DNAJC1: variants seen among roughly 807,000 people sequenced by gnomAD.
DNAJC1 encodes DnaJ heat shock protein family (Hsp40) member C1, also known as dnaJ homolog subfamily C member 1.
Under a neutral mutation model 76.6 loss-of-function variants are expected in DNAJC1, and 58 were observed. That is an observed-to-expected ratio of 0.76 (90% CI 0.61 to 0.94). DNAJC1 has a LOEUF of 0.94. Ranked by LOEUF, DNAJC1 falls within the 40% of genes least tolerant of loss-of-function variation. DNAJC1 has a pLI of 0.00. For missense variants in DNAJC1, 689 were observed against 677.3 expected (o/e 1.02, Z -0.19); for synonymous variants, 258 against 267.9 (o/e 0.96, Z 0.36).
intron 1 of DNAJC1, among the ~76,000 whole-genome samples, chr10:21,955,425 T>A (rs897596666): frequency 1.3e-5 from 2 of 152,182 alleles, no homozygotes; most frequent in Non-Finnish European, 2.9e-5. Flanking sequence ...TTCATCAAAA[T>A]TTTTTAAAGT....
In DNAJC1 at chr10:21,822,014, T is replaced by C. The variant is rs147111136; in HGVS notation, c.979-15915A>G. Among the ~76,000 whole-genome samples, 780 of 152,348 alleles carry C rather than the reference T, an allele frequency of 5.1e-3. 5 individuals carry two copies. Among genetic ancestry groups the C allele is most frequent in the Non-Finnish European group, 8.8e-3 (598 of 68,038 alleles). The stretch of plus-strand genomic sequence containing the variant: ...TCAAAGGTCATATTATTCAACAGAA[T>C]GGTACCTGACTCTTAGTATAGTAAC... On this transcript the variant is annotated intron_variant, in intron 8 of 11. Transcript: ENST00000376980.
intron 8 of DNAJC1, among the ~76,000 whole-genome samples, chr10:21,849,342 A>T (rs1835714536): frequency 6.6e-6 from 1 of 150,970 alleles, no homozygotes; most frequent in Non-Finnish European, 1.5e-5. Context: ...ACTGATAAGA[A>T]GTATTTCAAA....
At chr10:21,865,554 G>C (rs533302442) in intron 8 of DNAJC1, 1 of 152,204 alleles carries the variant, frequency 6.6e-6, no homozygotes, top group East Asian at 1.9e-4. Context: ...CTGGTTGCCT[G>C]AAGATAGGTG....
At chr10:21,803,963 A>C (rs1834850814) in intron 9 of DNAJC1, 2 of 985,130 alleles carry the variant, frequency 2.0e-6, no homozygotes, top group Non-Finnish European at 2.4e-6. Flanking sequence ...GCAGACACGG[A>C]ATCATTCTGC....
chr10:21,950,894 T>C (rs895278505), intron 1 of DNAJC1, among the ~76,000 whole-genome samples: 13 of 151,950 alleles, frequency 8.6e-5, no homozygotes, highest in African/African-American at 2.7e-4. Context: ...AGAAGAAAAG[T>C]TGGAAGCTAG....
chr10:21,968,728 T>C (rs1351845975), intron 1 of DNAJC1, among the ~76,000 whole-genome samples: 1 of 151,988 alleles, frequency 6.6e-6, no homozygotes. Context: ...GCCAGGATGG[T>C]CTCAATCTCC....
At chr10:21,816,905 A>G (rs1045304649) in intron 8 of DNAJC1, among the ~76,000 whole-genome samples, 1 of 143,526 alleles carries the variant, frequency 7.0e-6, no homozygotes, top group Non-Finnish European at 1.5e-5. Context: ...CTGTAACCCC[A>G]GCACTTTGGG....
At chr10:21,991,700 C>T (rs1838328509) in intron 1 of DNAJC1, among the ~76,000 whole-genome samples, 1 of 152,162 alleles carries the variant, frequency 6.6e-6, no homozygotes, top group Admixed American at 6.5e-5. Flanking sequence ...TAAGGCTATC[C>T]AATGTATGCT....
chr10:21,996,801 C>G (rs928290211), intron 1 of DNAJC1, among the ~76,000 whole-genome samples: 2 of 152,192 alleles, frequency 1.3e-5, no homozygotes, highest in African/African-American at 4.8e-5. Context: ...GCTCAGGCAT[C>G]TTCCACTAAA....
chr10:21,878,132 A>T (rs1018236402), intron 8 of DNAJC1, among the ~76,000 whole-genome samples: 1 of 152,108 alleles, frequency 6.6e-6, no homozygotes, highest in African/African-American at 2.4e-5. Flanking sequence ...TCTCGAGAAC[A>T]CTCCTAGCAT....
chr10:21,766,064 T>A (rs527276085), intron 10 of DNAJC1, among the ~76,000 whole-genome samples, 197 bp downstream of exon 10: 4 of 152,174 alleles, frequency 2.6e-5, no homozygotes, highest in Non-Finnish European at 5.9e-5. Flanking sequence ...ATTAAATACA[T>A]CTTCTCGGCA....
intron 7 of DNAJC1, among the ~76,000 whole-genome samples, chr10:21,896,381 G>A (rs140429292): frequency 3.9e-5 from 6 of 152,280 alleles, no homozygotes; most frequent in Admixed American, 3.3e-4. Context: ...TTATTCTCAG[G>A]CCTCAAAAAT....
chr10:21,863,640 T>C (rs111792945), intron 8 of DNAJC1, among the ~76,000 whole-genome samples: 37 of 152,222 alleles, frequency 2.4e-4, no homozygotes, highest in African/African-American at 8.4e-4. Flanking sequence ...AGAAGGCTAA[T>C]ACATAATGAC....
chr10:21,783,346 G>C (rs1834558780), intron 9 of DNAJC1, among the ~76,000 whole-genome samples: 1 of 152,164 alleles, frequency 6.6e-6, no homozygotes, highest in African/African-American at 2.4e-5. Context: ...ACTTACAAGG[G>C]ATGTGAAGGA....
chr10:21,975,916 A>T (rs1055413934), intron 1 of DNAJC1, among the ~76,000 whole-genome samples: 1 of 152,208 alleles, frequency 6.6e-6, no homozygotes, highest in Non-Finnish European at 1.5e-5. Flanking sequence ...AGGTTTTTTT[A>T]AAAAGTTAGA....
At chr10:21,819,924 T>C (rs1835129747) in intron 8 of DNAJC1, among the ~76,000 whole-genome samples, 1 of 152,210 alleles carries the variant, frequency 6.6e-6, no homozygotes, top group South Asian at 2.1e-4. Context: ...AGCAAGACTC[T>C]GTCTCAAATA....
At chr10:21,819,622 T>A (rs1835124986) in intron 8 of DNAJC1, among the ~76,000 whole-genome samples, 1 of 152,120 alleles carries the variant, frequency 6.6e-6, no homozygotes, top group South Asian at 2.1e-4. Context: ...AAAATTTTTT[T>A]ATTGAGATCT....
intron 8 of DNAJC1, among the ~76,000 whole-genome samples, chr10:21,874,921 C>G (rs1355874883): frequency 1.3e-5 from 2 of 152,084 alleles, no homozygotes; most frequent in African/African-American, 4.8e-5. Flanking sequence ...TGCTCTGTCA[C>G]CCAGGCTCAA....
chr10:21,899,767 C>G (rs1836615411), intron 7 of DNAJC1, among the ~76,000 whole-genome samples: 1 of 152,166 alleles, frequency 6.6e-6, no homozygotes, highest in South Asian at 2.1e-4. Context: ...AATAGGTATC[C>G]TGCATTGCGG....
Sources: gnomAD v4.1 joint callset for allele counts (sites outside exome capture counted in the v4.1 genomes callset) on GRCh38, gnomAD v4.1.1 for gene constraint, MANE v1.5 for transcripts, NCBI Gene and HGNC (gene_info 2026-07-23, HGNC 2026-07-21) for gene names.